COL2A1: variants seen among roughly 807,000 people sequenced by gnomAD.
The protein encoded by COL2A1 is collagen type II alpha 1 chain, also known as collagen alpha-1(II) chain.
A neutral mutation model predicts 204.5 loss-of-function variants in COL2A1; 28 were observed. That is an observed-to-expected ratio of 0.14 (90% CI 0.10 to 0.19). The LOEUF (loss-of-function observed/expected upper bound fraction) is 0.19, where lower values mean the gene tolerates loss of function less well. Ranked by LOEUF, COL2A1 falls within the 10% of genes least tolerant of loss-of-function variation. The pLI is 1.00. For synonymous variants in COL2A1, 708 were observed against 718.7 expected, an observed-to-expected ratio of 0.99 and a Z score of 0.24; for missense variants, 1,388 against 2,027.5, an observed-to-expected ratio of 0.68 and a Z score of 6.06.
Position 47,999,353 on chromosome 12 carries a change from CCT to C in COL2A1, c.292+564_292+565del, listed in dbSNP as rs1309102589. 2.6e-5 allele frequency among the ~76,000 whole-genome samples: 4 copies of C among 152,322 alleles called. No homozygotes were observed. In the East Asian group the frequency reaches 7.7e-4, roughly 29 times the overall value. ...CTCCCAAAGCCTAGCCCTTCCCTCT[CCT>C]ATTATTTTGCTTCTGAATTAATGGT... On this transcript the variant is annotated intron_variant, in intron 2 of 53. Coordinates refer to ENST00000380518, the MANE Select transcript of COL2A1 (RefSeq NM_001844.5).
intron 34 of COL2A1, 130 bp from the exon 35 acceptor site, chr12:47,982,290 G>A: frequency 1.1e-6 from 1 of 886,176 alleles, no homozygotes; most frequent in Non-Finnish European, 1.9e-6. Flanking sequence ...GTGGTCTCAG[G>A]GTGGGTGAGG....
intron 7 of COL2A1, 88 bp from the exon 8 acceptor site, chr12:47,996,713 C>T: frequency 1.0e-6 from 1 of 1,002,330 alleles, no homozygotes; most frequent in South Asian, 1.3e-5. Context: ...ATACAAAGAA[C>T]TCTACTGAGA....
chr12:47,990,031 G>A lies in COL2A1; in HGVS notation c.1024-226C>T, dbSNP rs11168343. On this transcript the variant is annotated intron_variant, in intron 16 of 53. Transcript: ENST00000380518. ...CTTTTTTTGTTGTTGTTTTTGAGACGGAGTCTGGCTCTGTCGCCAGGCTGG... is the reference window on the plus strand; with the variant it reads ...CTTTTTTTGTTGTTGTTTTTGAGACAGAGTCTGGCTCTGTCGCCAGGCTGG... Among the ~76,000 whole-genome samples, 38,978 of 152,004 alleles carry A rather than the reference G, an allele frequency of 0.26. 6,281 individuals carry two copies. The highest frequency in any genetic ancestry group is 0.37 in the Non-Finnish European group (24,821 of 67,938).
At chr12:47,977,749 T>C in intron 44 of COL2A1, 96 bp from the exon 45 acceptor site, 1 of 1,359,500 alleles carries the variant, frequency 7.4e-7, no homozygotes, top group Non-Finnish European at 1.0e-6. Flanking sequence ...GCCTCTCCTC[T>C]TCTGCCCAAC....
chr12:47,993,645 C>T, intron 14 of COL2A1, 143 bp from the exon 15 acceptor site: 1 of 1,094,566 alleles, frequency 9.1e-7, no homozygotes, highest in Admixed American at 1.8e-5. Context: ...GCCCTGAGCT[C>T]TCCAGGCCTG....
intron 36 of COL2A1, 136 bp downstream of exon 36, chr12:47,981,640 C>T (rs1939091149): frequency 2.7e-6 from 3 of 1,108,842 alleles, no homozygotes; most frequent in Non-Finnish European, 4.0e-6. Flanking sequence ...TCTGAGAGGG[C>T]CCCCTCTTCA....
intron 10 of COL2A1, 37 bp from the exon 11 acceptor site, chr12:47,995,345 A>G: frequency 1.9e-6 from 3 of 1,567,560 alleles, no homozygotes; most frequent in Non-Finnish European, 1.8e-6. Flanking sequence ...AGATGGTTAT[A>G]GTGGGAAGAC....
intron 11 of COL2A1, among the ~76,000 whole-genome samples, chr12:47,994,894 C>T (rs1050570881): frequency 1.3e-5 from 2 of 152,348 alleles, no homozygotes; most frequent in African/African-American, 2.4e-5. Flanking sequence ...CTTTTTCTAA[C>T]TCATTTACAA....
intron 10 of COL2A1, 55 bp downstream of exon 10, chr12:47,995,655 T>G: frequency 1.3e-6 from 2 of 1,532,774 alleles, no homozygotes; most frequent in African/African-American, 2.7e-5. Context: ...GCGGTCCTAG[T>G]GGTCTATCAT....
At chr12:47,996,708 A>C (rs1478169506) in intron 7 of COL2A1, 83 bp from the exon 8 acceptor site, 32 of 1,046,440 alleles carry the variant, frequency 3.1e-5, no homozygotes, top group Non-Finnish European at 4.5e-5. Context: ...TATGGATACA[A>C]AGAACTCTAC....
At chr12:47,973,894 G>A (rs1219010104) in intron 53 of COL2A1, among the ~76,000 whole-genome samples, 195 bp downstream of exon 53, 1 of 152,198 alleles carries the variant, frequency 6.6e-6, no homozygotes, top group Non-Finnish European at 1.5e-5. Context: ...CCCTGAGCCA[G>A]GGGAATGGAG....
chr12:47,978,218 G>T lies in COL2A1; in HGVS notation c.3003+73C>A. ...GAGGGCAGACAAGGGACAGTCCTGA[G>T]GGTGCTGAGGGAGGTAGAAGCCTTG... is the stretch of plus-strand genomic sequence containing the variant. On this transcript the variant is annotated intron_variant, in intron 43 of 53. Coordinates refer to ENST00000380518, the MANE Select transcript of COL2A1 (RefSeq NM_001844.5). This position sits in a 1 kb window ranked among gnomAD's most constrained non-coding sequence, Gnocchi z 5.5. The T allele has an allele frequency of 6.3e-7, 1 of 1,588,862 alleles. No homozygotes were observed. Among genetic ancestry groups the T allele is most frequent in the Non-Finnish European group, 8.6e-7 (1 of 1,161,976 alleles).
Position 47,982,863 on chromosome 12 carries a change from G to T in COL2A1, c.2178C>A (p.Gly726=), listed in dbSNP as rs760367020. 2 of 1,611,664 alleles carry T rather than the reference G, an allele frequency of 1.2e-6. No individual in the cohort carries two copies. The highest frequency in any genetic ancestry group is 2.7e-5 in the African/African-American group (2 of 74,900). Residue 726 remains glycine (G), a synonymous_variant, in exon 33 of 54, where the codon GGC becomes GGA. Transcript: ENST00000380518. ...CCTCACTTACTTTGGGACCATCAGTGCCAGGAGTGCCGGGGAGGCCACGGG... is the reference window on the plus strand; with the variant it reads ...CCTCACTTACTTTGGGACCATCAGTTCCAGGAGTGCCGGGGAGGCCACGGG... ...QGPRGLPGTP[G]TDGPKGASGP...
intron 16 of COL2A1, among the ~76,000 whole-genome samples, chr12:47,991,701 AG>A (rs1939716688): frequency 6.6e-6 from 1 of 152,230 alleles, no homozygotes; most frequent in Admixed American, 6.5e-5. Flanking sequence ...CCCAGGAAGG[AG>A]GGAACAAGGA....
Position 47,976,991 on chromosome 12 carries a change from C to A in COL2A1, c.3328-72G>T. 2.0e-6 allele frequency: 3 copies of A among 1,536,030 alleles called. No individual in the cohort carries two copies. The highest frequency in any genetic ancestry group is 2.7e-6 in the Non-Finnish European group (3 of 1,127,162). On this transcript the variant is annotated intron_variant, in intron 47 of 53. Transcript: ENST00000380518. The surrounding 1 kb of genome is among the most constrained non-coding windows in gnomAD (Gnocchi z 4.3). ...GGAGCCCCCTCCTGTCCCACCCAAG[C>A]TGAGGAATCCCCGGAAACACAGGGC...
chr12:47,980,734 G>A lies in COL2A1; in HGVS notation c.2518-73C>T. 6.9e-7 allele frequency: 1 copy of A among 1,459,656 alleles called. No individual in the cohort carries two copies. The highest frequency in any genetic ancestry group is 9.4e-7 in the Non-Finnish European group (1 of 1,060,756). The allele number at this position is 1,459,656 out of a possible 1,614,324, so 90.4% of individuals were successfully genotyped here. A position where few individuals can be genotyped will look rare whatever the true frequency, so the allele number is the denominator to read the frequency against. On this transcript the variant is annotated intron_variant, in intron 38 of 53. Coordinates refer to ENST00000380518, the MANE Select transcript of COL2A1 (RefSeq NM_001844.5). The surrounding 1 kb of genome is among the most constrained non-coding windows in gnomAD (Gnocchi z 4.5). The stretch of plus-strand genomic sequence containing the variant: ...CTGGAGCTCTTCCAGAAGAGCAGGA[G>A]ACTCTGTGAGTATCTGCGTGTGTGT...
chr12:47,982,626 G>C lies in COL2A1; in HGVS notation c.2194-17C>G, dbSNP rs866690960. Reference sequence around the variant, plus strand: ...AGATGCACCCTGGGGAGGGAGGTAAGAGGGAGTCTGTAGTGGACAGCACCT... The same window carrying C: ...AGATGCACCCTGGGGAGGGAGGTAACAGGGAGTCTGTAGTGGACAGCACCT... On this transcript the variant is annotated splice_polypyrimidine_tract_variant and intron_variant, in intron 33 of 53. Coordinates refer to ENST00000380518, the MANE Select transcript of COL2A1 (RefSeq NM_001844.5). 2.5e-6 allele frequency: 4 copies of C among 1,581,340 alleles called. No individual in the cohort carries two copies. Among genetic ancestry groups the C allele is most frequent in the Middle Eastern group, 1.7e-4 (1 of 5,822 alleles).
intron 27 of COL2A1, 99 bp from the exon 28 acceptor site, chr12:47,984,698 T>G: frequency 8.6e-7 from 1 of 1,159,112 alleles, no homozygotes; most frequent in South Asian, 1.3e-5. Context: ...CACATCCTGA[T>G]GGACAGCCAA....
intron 16 of COL2A1, among the ~76,000 whole-genome samples, chr12:47,991,683 C>A (rs992784774): frequency 6.6e-6 from 1 of 152,202 alleles, no homozygotes; most frequent in South Asian, 2.1e-4. Flanking sequence ...AGAAGCAGGG[C>A]GGCTGTGCCC....
Sources: allele counts gnomAD v4.1 joint callset (sites outside exome capture counted in the v4.1 genomes callset), GRCh38; gene constraint gnomAD v4.1.1; non-coding constraint Gnocchi (gnomAD v3.1); transcripts MANE v1.5; gene names NCBI Gene and HGNC (gene_info 2026-07-23, HGNC 2026-07-21).